THSD4: variants seen among roughly 807,000 people sequenced by gnomAD.
THSD4 encodes the protein thrombospondin type-1 domain-containing protein 4.
Under a neutral mutation model 119.0 loss-of-function variants are expected in THSD4, and 69 were observed. The ratio of observed to expected loss-of-function variants is 0.58; its 90% confidence interval spans 0.48 to 0.71. THSD4 has a LOEUF of 0.71. THSD4 is among the 30% of genes least tolerant of loss of function. The probability of loss-of-function intolerance (pLI) is 0.00; values close to 1 mark genes in which losing one functional copy is unlikely to be tolerated. For missense variants in THSD4, 1,393 were observed against 1,391.1 expected, an observed-to-expected ratio of 1.00 and a Z score of -0.02; for synonymous variants, 524 against 540.4, an observed-to-expected ratio of 0.97 and a Z score of 0.42.
At position 71,777,735 on chromosome 15, in the gene THSD4, C is replaced by T. The variant is rs1595942353; in HGVS notation, c.*361C>T. 1.9e-5 allele frequency: 5 copies of T among 265,582 alleles called. No homozygotes were observed. Among genetic ancestry groups the T allele is most frequent in the African/African-American group, 6.5e-5 (3 of 46,488 alleles). The allele number at this position is 265,582 out of a possible 1,614,324, so 16.5% of individuals were successfully genotyped here. A position where few individuals can be genotyped will look rare whatever the true frequency, so the allele number is the denominator to read the frequency against. The stretch of plus-strand genomic sequence containing the variant: ...ATGGGCCACTGACTGAGCACTGCCC[C>T]GTCCCTGGTGCTACTGGTCTTTCTA... On this transcript the variant is annotated 3_prime_UTR_variant, in exon 18 of 18. Coordinates refer to ENST00000261862, the MANE Select transcript of THSD4 (RefSeq NM_024817.3).
At chr15:71,199,094 G>A (rs1486029474) in intron 3 of THSD4, among the ~76,000 whole-genome samples, 4 of 152,126 alleles carry the variant, frequency 2.6e-5, no homozygotes. Flanking sequence ...TGGCCTCCCT[G>A]GACTCTGCAT....
At chr15:71,276,205 A>T (rs536622266) in intron 6 of THSD4, among the ~76,000 whole-genome samples, 1 of 152,296 alleles carries the variant, frequency 6.6e-6, no homozygotes, top group East Asian at 1.9e-4. Context: ...CATTCTTGTG[A>T]TGCCACCATG....
intron 6 of THSD4, among the ~76,000 whole-genome samples, chr15:71,394,006 G>T (rs2046411423): frequency 6.6e-6 from 1 of 152,090 alleles, no homozygotes; most frequent in Non-Finnish European, 1.5e-5. Flanking sequence ...GTGTTATTTG[G>T]TTGTATCCAG....
intron 8 of THSD4, among the ~76,000 whole-genome samples, chr15:71,678,534 A>G (rs2051698742): frequency 6.6e-6 from 1 of 152,112 alleles, no homozygotes; most frequent in African/African-American, 2.4e-5. Flanking sequence ...CCCCTTTTTT[A>G]TTAAGCAGAA....
chr15:71,499,298 T>G (rs1315511284), intron 7 of THSD4, among the ~76,000 whole-genome samples: 1 of 152,108 alleles, frequency 6.6e-6, no homozygotes, highest in African/African-American at 2.4e-5. Context: ...AGGAAGCCTC[T>G]CTCTTCTTGC....
At chr15:71,112,134 T>G, upstream of THSD4, 1 of 1,613,602 alleles carries the variant, frequency 6.2e-7, no homozygotes, top group Non-Finnish European at 8.5e-7. Context: ...CCTCAGAGAT[T>G]TGGGAGCCCT....
intron 8 of THSD4, among the ~76,000 whole-genome samples, chr15:71,714,043 G>A (rs1361698333): frequency 3.1e-5 from 1 of 32,064 alleles, no homozygotes; most frequent in South Asian, 2.5e-3. Context: ...CTTACTGTGT[G>A]ACTTTGGACA....
intron 8 of THSD4, among the ~76,000 whole-genome samples, chr15:71,706,333 A>G (rs1332039609): frequency 6.6e-5 from 10 of 152,146 alleles, no homozygotes; most frequent in Admixed American, 5.9e-4. Flanking sequence ...CACCTGAGCC[A>G]GTGAACAGGA....
intron 7 of THSD4, among the ~76,000 whole-genome samples, chr15:71,489,513 C>G (rs1280130569): frequency 3.3e-5 from 5 of 152,266 alleles, no homozygotes; most frequent in South Asian, 4.1e-4. Flanking sequence ...GATGGATATG[C>G]CTTAGTCCCT....
rs144473314 is a variant in THSD4 at position 71,297,625 on chromosome 15, C to T, written c.1015+40910C>T. Among the ~76,000 whole-genome samples, 16 of 152,226 alleles carry T rather than the reference C, an allele frequency of 1.1e-4. No individual in the cohort carries two copies. The East Asian group carries it at 2.9e-3, about 28-fold the overall frequency. On this transcript the variant is annotated intron_variant, in intron 6 of 17. Transcript: ENST00000261862. ...CTGGGATTACAGACGTGAGCTACCA[C>T]GCTCGGCCTTTTCCTCCTCCTTTTT...
intron 7 of THSD4, among the ~76,000 whole-genome samples, chr15:71,618,781 T>C (rs2050367786): frequency 6.6e-6 from 1 of 152,134 alleles, no homozygotes; most frequent in Non-Finnish European, 1.5e-5. Flanking sequence ...TCTCGCCATG[T>C]TGCCCAGGCT....
At chr15:71,329,420 C>T (rs1260799197) in intron 6 of THSD4, among the ~76,000 whole-genome samples, 1 of 152,116 alleles carries the variant, frequency 6.6e-6, no homozygotes, top group African/African-American at 2.4e-5. Flanking sequence ...TTTGAGTGAC[C>T]CACACTGCTT....
Position 71,467,374 on chromosome 15 carries a change from A to G in THSD4, c.1152+55551A>G, listed in dbSNP as rs533970409. On this transcript the variant is annotated intron_variant, in intron 7 of 17. Coordinates refer to ENST00000261862, the MANE Select transcript of THSD4 (RefSeq NM_024817.3). ...CTGGAGCCTTCATAAGGAAATGAAT[A>G]CCTGAAGAAATGATTAAATCTGTGT... Among the ~76,000 whole-genome samples, 49 of 152,334 alleles carry G rather than the reference A, an allele frequency of 3.2e-4. 2 individuals are homozygous for G. Among genetic ancestry groups the G allele is most frequent in the African/African-American group, 9.6e-4 (40 of 41,578 alleles).
At chr15:71,585,584 G>T (rs1041262880) in intron 7 of THSD4, among the ~76,000 whole-genome samples, 3 of 151,974 alleles carry the variant, frequency 2.0e-5, no homozygotes, top group Admixed American at 1.3e-4. Context: ...TCTGTTCGGG[G>T]TTACTTGGGC....
At chr15:71,656,612 C>T (rs1227012097) in intron 7 of THSD4, among the ~76,000 whole-genome samples, 2 of 152,166 alleles carry the variant, frequency 1.3e-5, no homozygotes, top group Non-Finnish European at 2.9e-5. Flanking sequence ...GTCACTGTCA[C>T]GATCTACTCC....
rs1184457820 is a variant in THSD4 at position 71,332,891 on chromosome 15, C to CT, written c.1015+76176_1015+76177insT. ...TTCTTAAAACATTGAGATTTTTTTACATTTTTTTTTTTTTTTTAGTTCATC... is the reference window on the plus strand; with the variant it reads ...TTCTTAAAACATTGAGATTTTTTTACTATTTTTTTTTTTTTTTTAGTTCATC... On this transcript the variant is annotated intron_variant, in intron 6 of 17. Coordinates refer to ENST00000261862, the MANE Select transcript of THSD4 (RefSeq NM_024817.3). 8.9e-3 allele frequency among the ~76,000 whole-genome samples: 340 copies of CT among 38,044 alleles called. 25 individuals are homozygous for CT. The highest frequency in any genetic ancestry group is 0.022 in the South Asian group (24 of 1,102). The allele number at this position is 38,044 out of a possible 152,430, so 25.0% of individuals were successfully genotyped here. A position where few individuals can be genotyped will look rare whatever the true frequency, so the allele number is the denominator to read the frequency against.
intron 8 of THSD4, among the ~76,000 whole-genome samples, chr15:71,702,181 C>T (rs1220487820): frequency 1.3e-5 from 2 of 152,120 alleles, no homozygotes; most frequent in South Asian, 2.1e-4. Flanking sequence ...GGGCAGGCCT[C>T]GTCCAGGGGC....
intron 7 of THSD4, among the ~76,000 whole-genome samples, chr15:71,458,334 C>A (rs2047368702): frequency 6.6e-6 from 1 of 152,050 alleles, no homozygotes; most frequent in Non-Finnish European, 1.5e-5. Context: ...GGATTTGGAG[C>A]CAAAGGTTCT....
At chr15:71,222,836 GC>G in intron 4 of THSD4, among the ~76,000 whole-genome samples, 1 of 152,266 alleles carries the variant, frequency 6.6e-6, no homozygotes, top group African/African-American at 2.4e-5. Context: ...AAGAACAGGA[GC>G]TACACACCCT....
Sources: gnomAD v4.1 joint callset for allele counts (sites outside exome capture counted in the v4.1 genomes callset) on GRCh38, gnomAD v4.1.1 for gene constraint, MANE v1.5 for transcripts, NCBI Gene and HGNC (gene_info 2026-07-23, HGNC 2026-07-21) for gene names.